NIBAN1: variants seen among roughly 807,000 people sequenced by gnomAD.
NIBAN1 encodes the protein niban apoptosis regulator 1.
In NIBAN1, 81 loss-of-function variants were observed where a neutral mutation model predicts 75.1. That is an observed-to-expected ratio of 1.08 (90% CI 0.90 to 1.30). The LOEUF is 1.30. NIBAN1 is among the 50% of genes most tolerant of loss of function. NIBAN1 has a pLI of 0.00. For missense variants in NIBAN1, 1,133 were observed against 1,128.1 expected (o/e 1.00, Z -0.06); for synonymous variants, 436 against 424.8 (o/e 1.03, Z -0.32).
At chr1:184,941,791 T>G (rs1325829159) in intron 1 of NIBAN1, among the ~76,000 whole-genome samples, 1 of 152,164 alleles carries the variant, frequency 6.6e-6, no homozygotes, top group Admixed American at 6.5e-5. Context: ...CAGTCAGAAG[T>G]GTTTCCCTGT....
intron 1 of NIBAN1, among the ~76,000 whole-genome samples, chr1:184,912,698 G>A (rs1351181306): frequency 1.3e-5 from 2 of 152,126 alleles, no homozygotes; most frequent in East Asian, 3.9e-4. Flanking sequence ...AATTTAGGGT[G>A]AATTATGTCA....
At chr1:184,946,704 C>A (rs896700013) in intron 1 of NIBAN1, among the ~76,000 whole-genome samples, 3 of 151,888 alleles carry the variant, frequency 2.0e-5, no homozygotes, top group Non-Finnish European at 4.4e-5. Flanking sequence ...ACTAGAATAC[C>A]TGCTATTGGG....
At chr1:184,868,943 G>A (rs1232103699) in intron 5 of NIBAN1, among the ~76,000 whole-genome samples, 2 of 152,024 alleles carry the variant, frequency 1.3e-5, no homozygotes, top group Non-Finnish European at 2.9e-5. Flanking sequence ...CAATAATAGT[G>A]CCTACCTCAC....
rs1329110898 is a variant in NIBAN1, at chr1:184,899,853, G to T, written c.56-544C>A. Among the ~76,000 whole-genome samples, 4 of 122,192 alleles carry T rather than the reference G, an allele frequency of 3.3e-5. No individual in the cohort carries two copies. In the Admixed American group the frequency reaches 4.1e-4, roughly 13 times the overall value. The allele number at this position is 122,192 out of a possible 152,430, so 80.2% of individuals were successfully genotyped here. A position where few individuals can be genotyped will look rare whatever the true frequency, so the allele number is the denominator to read the frequency against. ...TTTCTTGAGACAGAGTGTCCATCTT[G>T]CTGCCCAGGCTGGAGTGCAATGGCA... On this transcript the variant is annotated intron_variant, in intron 1 of 13. Coordinates refer to ENST00000367511, the MANE Select transcript of NIBAN1 (RefSeq NM_052966.4).
intron 1 of NIBAN1, among the ~76,000 whole-genome samples, chr1:184,972,065 G>A (rs540919292): frequency 7.2e-5 from 11 of 152,250 alleles, no homozygotes; most frequent in Admixed American, 1.3e-4. Context: ...AGCATACAGC[G>A]GTTTATGATG....
chr1:184,965,215 C>T (rs1404090633), intron 1 of NIBAN1, among the ~76,000 whole-genome samples: 1 of 151,832 alleles, frequency 6.6e-6, no homozygotes, highest in Non-Finnish European at 1.5e-5. Context: ...AGGAGAATGG[C>T]GTGAACCCGG....
intron 5 of NIBAN1, among the ~76,000 whole-genome samples, chr1:184,862,513 A>G (rs1655843518): frequency 6.6e-6 from 1 of 152,108 alleles, no homozygotes; most frequent in Non-Finnish European, 1.5e-5. Context: ...GTTTTGTTAA[A>G]ATAATTATCT....
chr1:184,911,546 C>T (rs1033058799), intron 1 of NIBAN1, among the ~76,000 whole-genome samples: 2 of 152,192 alleles, frequency 1.3e-5, no homozygotes, highest in African/African-American at 4.8e-5. Flanking sequence ...TCAATTAAAG[C>T]TGCAGTCTTT....
intron 5 of NIBAN1, among the ~76,000 whole-genome samples, chr1:184,869,455 G>A (rs2102285621): frequency 6.6e-6 from 1 of 152,226 alleles, no homozygotes; most frequent in South Asian, 2.1e-4. Context: ...TCTAGTTGTG[G>A]TCCTCTCACT....
intron 3 of NIBAN1, 62 bp from the exon 4 acceptor site, chr1:184,890,284 C>G: frequency 6.1e-6 from 7 of 1,147,600 alleles, no homozygotes; most frequent in Non-Finnish European, 9.2e-6. Flanking sequence ...TGGAAAATAT[C>G]AGGGATATAA....
At chr1:184,936,129 C>T (rs10911659) in intron 1 of NIBAN1, among the ~76,000 whole-genome samples, 60,455 of 151,924 alleles carry the variant, frequency 0.4, 13,787 homozygotes, top group South Asian at 0.51. Context: ...CTCATCCAAA[C>T]ATAACTGTGT....
At chr1:184,844,976 C>T (rs1423089373) in intron 5 of NIBAN1, among the ~76,000 whole-genome samples, 1 of 152,204 alleles carries the variant, frequency 6.6e-6, no homozygotes, top group Non-Finnish European at 1.5e-5. Context: ...AGTAGAACTT[C>T]AGTAGTCATG....
intron 6 of NIBAN1, among the ~76,000 whole-genome samples, chr1:184,831,001 A>AAAG (rs1654985315): frequency 6.6e-6 from 1 of 151,496 alleles, no homozygotes; most frequent in Admixed American, 6.6e-5. Flanking sequence ...CTCCTCTCAA[A>AAAG]AAAAAAAAAA....
intron 11 of NIBAN1, among the ~76,000 whole-genome samples, chr1:184,804,950 G>A (rs7541371): frequency 0.085 from 12,840 of 151,900 alleles, 1,742 homozygotes; most frequent in African/African-American, 0.29. Context: ...CACCACACCC[G>A]GCTAGTTTTT....
intron 5 of NIBAN1, among the ~76,000 whole-genome samples, chr1:184,851,686 A>C (rs908720851): frequency 3.3e-5 from 5 of 152,096 alleles, no homozygotes; most frequent in African/African-American, 1.2e-4. Flanking sequence ...TACATTACAT[A>C]TATATCCTGA....
At chr1:184,875,182 T>C (rs1656200642) in intron 5 of NIBAN1, among the ~76,000 whole-genome samples, 2 of 152,238 alleles carry the variant, frequency 1.3e-5, no homozygotes. Flanking sequence ...AGCATTTAAA[T>C]GCTTGTATTA....
chr1:184,904,238 C>A lies in NIBAN1; in HGVS notation c.56-4929G>T, dbSNP rs1571561669. Among the ~76,000 whole-genome samples, 4 of 151,924 alleles carry A rather than the reference C, an allele frequency of 2.6e-5. No homozygotes were observed. The East Asian group carries it at 7.8e-4, about 29-fold the overall frequency. ...TAGAGACAGGGTTTCACCATGTTGC[C>A]CAGGCTGGTTTCGAATCCCTAGACT... On this transcript the variant is annotated intron_variant, in intron 1 of 13. Transcript: ENST00000367511.
intron 2 of NIBAN1, among the ~76,000 whole-genome samples, chr1:184,895,806 T>A (rs978216695): frequency 6.6e-6 from 1 of 152,166 alleles, no homozygotes; most frequent in Admixed American, 6.5e-5. Flanking sequence ...ACTGAAAACA[T>A]GTGGTATTTG....
In NIBAN1 at chr1:184,795,111, C is replaced by T. The variant is rs1228095718; in HGVS notation, c.2653G>A (p.Val885Ile). The T allele has an allele frequency of 3.7e-6, 6 of 1,614,028 alleles. No homozygotes were observed. Among genetic ancestry groups the T allele is most frequent in the Non-Finnish European group, 5.1e-6 (6 of 1,180,056 alleles). The change falls in exon 14 of 14, where the codon GTA (valine) becomes ATA (isoleucine). Residue 885 changes from valine (V) to isoleucine (I), a missense_variant. Val to Ile is a conservative substitution (Grantham distance 29). Coordinates refer to ENST00000367511, the MANE Select transcript of NIBAN1 (RefSeq NM_052966.4). ...TASVNAEEIK[V>I]ARIHECQWVV... ...CACTGACACTCATGAATACGGGCTA[C>T]CTTGATCTCCTCTGCATTCACACTG...
Sources: allele counts gnomAD v4.1 joint callset (sites outside exome capture counted in the v4.1 genomes callset), GRCh38; gene constraint gnomAD v4.1.1; transcripts MANE v1.5; gene names NCBI Gene and HGNC (gene_info 2026-07-23, HGNC 2026-07-21).